Variants in EYS observed in about 807,000 individuals in gnomAD.
EYS encodes protein eyes shut homolog.
Under a neutral mutation model 282.1 loss-of-function variants are expected in EYS, and 250 were observed. That is an observed-to-expected ratio of 0.89 (90% CI 0.80 to 0.98). EYS has a LOEUF of 0.98. Ranked by LOEUF, EYS falls within the 50% of genes least tolerant of loss-of-function variation. EYS has a pLI of 0.00. For synonymous variants in EYS, 1,355 were observed against 1,282.9 expected (o/e 1.06, Z -1.20); for missense variants, 4,016 against 3,709.0 (o/e 1.08, Z -2.15).
At chr6:64,855,475 T>C (rs1235575298) in intron 19 of EYS, among the ~76,000 whole-genome samples, 3 of 152,160 alleles carry the variant, frequency 2.0e-5, no homozygotes, top group Non-Finnish European at 2.9e-5. Context: ...GAGTATACTA[T>C]TTTTAGAACA....
At chr6:64,268,498 C>CT (rs1489956569) in intron 30 of EYS, among the ~76,000 whole-genome samples, 3 of 151,966 alleles carry the variant, frequency 2.0e-5, no homozygotes, top group African/African-American at 7.2e-5. Context: ...ATCCTGATTG[C>CT]TATGTAGACA....
At chr6:64,260,336 C>T (rs568632454) in intron 30 of EYS, among the ~76,000 whole-genome samples, 3 of 152,046 alleles carry the variant, frequency 2.0e-5, no homozygotes, top group Admixed American at 6.6e-5. Flanking sequence ...TTGTTTTAAC[C>T]GCCTGGTTGT....
At chr6:63,768,749 C>T (rs1769859385) in intron 40 of EYS, among the ~76,000 whole-genome samples, 2 of 152,034 alleles carry the variant, frequency 1.3e-5, no homozygotes, top group South Asian at 4.1e-4. Context: ...ATAAATCATT[C>T]TATCAAAAAG....
intron 19 of EYS, among the ~76,000 whole-genome samples, chr6:64,850,570 G>A (rs1448521217): frequency 6.6e-6 from 1 of 152,042 alleles, no homozygotes; most frequent in Non-Finnish European, 1.5e-5. Context: ...GAATTAAACA[G>A]CTAGAAGACT....
intron 2 of EYS, among the ~76,000 whole-genome samples, chr6:65,590,405 A>T (rs1330436251): frequency 6.6e-6 from 1 of 152,112 alleles, no homozygotes; most frequent in East Asian, 1.9e-4. Context: ...ATGTTTCAAT[A>T]CATGTATAAA....
At chr6:64,808,614 G>A (rs987422776) in intron 22 of EYS, among the ~76,000 whole-genome samples, 4 of 151,682 alleles carry the variant, frequency 2.6e-5, no homozygotes, top group African/African-American at 9.7e-5. Context: ...TATCTAATCT[G>A]GGTTTCTTGG....
At chr6:63,880,501 A>G (rs1249462588) in intron 35 of EYS, among the ~76,000 whole-genome samples, 1 of 151,746 alleles carries the variant, frequency 6.6e-6, no homozygotes. Flanking sequence ...CTATCTATCT[A>G]TCTATCTATC....
At chr6:64,190,424 C>G (rs189617093) in intron 31 of EYS, among the ~76,000 whole-genome samples, 4 of 152,228 alleles carry the variant, frequency 2.6e-5, no homozygotes, top group Admixed American at 2.6e-4. Flanking sequence ...TAGGATGTAG[C>G]ACAGTATGGT....
chr6:63,790,587 C>G lies in EYS; in HGVS notation c.7412-1363G>C, dbSNP rs188406490. ...TGGTGATTTCTTCCCACCTGCAATG[C>G]TGCATCAGGTTAGCTGGGTTGTATA... is the stretch of plus-strand genomic sequence containing the variant. On this transcript the variant is annotated intron_variant, in intron 37 of 42. Coordinates refer to ENST00000503581, the MANE Select transcript of EYS (RefSeq NM_001142800.2). Among the ~76,000 whole-genome samples the G allele has an allele frequency of 3.9e-4, 59 of 152,314 alleles. No homozygotes were observed. In the East Asian group the frequency reaches 0.011, roughly 28 times the overall value.
chr6:63,743,966 G>C (rs1227817255), intron 41 of EYS: 1 of 152,148 alleles, frequency 6.6e-6, no homozygotes, highest in African/African-American at 2.4e-5. Flanking sequence ...AGTAGTGAGG[G>C]AAATGGTATG....
chr6:65,214,216 G>T (rs1422287056), intron 12 of EYS, among the ~76,000 whole-genome samples: 1 of 115,752 alleles, frequency 8.6e-6, no homozygotes, highest in Non-Finnish European at 1.8e-5. Context: ...GGCTGAAAAA[G>T]TTAGGCCTCT....
At chr6:65,560,304 T>TATATAATATATTATTAATATAAC (rs35095916) in intron 2 of EYS, among the ~76,000 whole-genome samples, 1 of 144,070 alleles carries the variant, frequency 6.9e-6, no homozygotes, top group Non-Finnish European at 1.5e-5. Flanking sequence ...CATATAATAA[T>TATATAATATATTATTAATATAAC]ATATAATATA....
At chr6:65,218,638 A>T (rs1474792194) in intron 12 of EYS, among the ~76,000 whole-genome samples, 3 of 152,160 alleles carry the variant, frequency 2.0e-5, no homozygotes, top group African/African-American at 7.2e-5. Context: ...ATCAGACTTC[A>T]ACCTAGTCCC....
chr6:64,950,048 T>G (rs1769432017), intron 14 of EYS, among the ~76,000 whole-genome samples: 1 of 151,864 alleles, frequency 6.6e-6, no homozygotes, highest in South Asian at 2.1e-4. Flanking sequence ...CTTATTTTTA[T>G]AAACATTTAA....
At chr6:64,158,301 T>C (rs1404435921) in intron 31 of EYS, among the ~76,000 whole-genome samples, 2 of 152,240 alleles carry the variant, frequency 1.3e-5, no homozygotes, top group African/African-American at 4.8e-5. Context: ...CAACAAACTT[T>C]TGCTGAATTA....
At chr6:64,125,404 C>CTTT (rs527569208) in intron 31 of EYS, among the ~76,000 whole-genome samples, 1,552 of 145,328 alleles carry the variant, frequency 0.011, 33 homozygotes, top group African/African-American at 0.036. Context: ...GAAAGGAGCA[C>CTTT]TTTTTTTTTT....
intron 5 of EYS, among the ~76,000 whole-genome samples, chr6:65,433,541 C>T (rs1342491814): frequency 6.6e-6 from 1 of 152,110 alleles, no homozygotes; most frequent in African/African-American, 2.4e-5. Flanking sequence ...TGTCTAAACT[C>T]ATTATATGAG....
At chr6:64,764,141 T>C (rs750110461) in intron 22 of EYS, among the ~76,000 whole-genome samples, 4 of 152,168 alleles carry the variant, frequency 2.6e-5, no homozygotes, top group Non-Finnish European at 5.9e-5. Flanking sequence ...CACTAGGCAA[T>C]GGCTCAGTGG....
intron 33 of EYS, among the ~76,000 whole-genome samples, chr6:64,019,096 G>A (rs1462152717): frequency 6.6e-6 from 1 of 152,086 alleles, no homozygotes; most frequent in Non-Finnish European, 1.5e-5. Flanking sequence ...TTATAAGAGA[G>A]AATCAGAGAG....
Sources: gnomAD v4.1 joint callset for allele counts (sites outside exome capture counted in the v4.1 genomes callset) on GRCh38, gnomAD v4.1.1 for gene constraint, MANE v1.5 for transcripts, NCBI Gene and HGNC (gene_info 2026-07-23, HGNC 2026-07-21) for gene names.